The following RAB11FIP3 variants were observed in gnomAD, a reference collection of about 807,000 sequenced individuals.
RAB11FIP3 encodes the protein rab11 family-interacting protein 3.
In RAB11FIP3, 17 loss-of-function variants were observed where a neutral mutation model predicts 77.8. The ratio of observed to expected loss-of-function variants is 0.22; its 90% CI spans 0.15 to 0.33. The LOEUF is 0.33. Ranked by LOEUF, RAB11FIP3 falls within the 10% of genes least tolerant of loss-of-function variation. The pLI, the probability that RAB11FIP3 is intolerant of heterozygous loss-of-function variation, is 1.00. For synonymous variants in RAB11FIP3, 437 were observed against 448.2 expected, an observed-to-expected ratio of 0.98 and a Z score of 0.31; for missense variants, 1,005 against 1,011.2, an observed-to-expected ratio of 0.99 and a Z score of 0.08.
intron 3 of RAB11FIP3, among the ~76,000 whole-genome samples, chr16:481,607 C>T (rs2056045167): frequency 8.0e-6 from 1 of 124,486 alleles, no homozygotes; most frequent in Non-Finnish European, 1.7e-5. Flanking sequence ...TGGGCAAGCT[C>T]CTCCGTCAGT....
At chr16:446,332 C>G (rs2055316640) in intron 1 of RAB11FIP3, among the ~76,000 whole-genome samples, 1 of 152,190 alleles carries the variant, frequency 6.6e-6, no homozygotes, top group Admixed American at 6.5e-5. Flanking sequence ...TGAAGCAGAA[C>G]AGTGGTACCC....
intron 1 of RAB11FIP3, among the ~76,000 whole-genome samples, chr16:442,661 G>A (rs994410009): frequency 1.3e-5 from 2 of 152,118 alleles, no homozygotes; most frequent in African/African-American, 2.4e-5. Context: ...CTGCTGAGTC[G>A]TCCCAAAGCA....
intron 13 of RAB11FIP3, 58 bp downstream of exon 13, chr16:520,657 G>T: frequency 6.2e-7 from 1 of 1,610,810 alleles, no homozygotes; most frequent in East Asian, 2.2e-5. Flanking sequence ...CACTGTCTGT[G>T]CGCTGTGGTT....
Position 505,389 on chromosome 16 carries a change from C to G in RAB11FIP3, c.1396-135C>G. On this transcript the variant is annotated intron_variant, in intron 7 of 13. Coordinates refer to ENST00000262305, the MANE Select transcript of RAB11FIP3 (RefSeq NM_014700.4). The surrounding 1 kb of genome is among the most constrained non-coding windows in gnomAD (Gnocchi z 4.0). ...TGTGGGTTTATGGGACAAGTTGGAT[C>G]CAACACCAGCCTAGCTAGGTGGATC... 1 of 666,428 alleles carries G rather than the reference C, an allele frequency of 1.5e-6. No homozygotes were observed. The highest frequency in any genetic ancestry group is 2.8e-5 in the East Asian group (1 of 36,232). The allele number at this position is 666,428 out of a possible 1,614,324, so 41.3% of individuals were successfully genotyped here.
At chr16:435,188 G>C (rs1274278330) in intron 1 of RAB11FIP3, among the ~76,000 whole-genome samples, 1 of 148,574 alleles carries the variant, frequency 6.7e-6, no homozygotes, top group African/African-American at 2.5e-5. Flanking sequence ...CTGGGCGACA[G>C]AGCGAGACTC....
chr16:495,340 G>T (rs575827040), intron 5 of RAB11FIP3, among the ~76,000 whole-genome samples: 1 of 152,190 alleles, frequency 6.6e-6, no homozygotes, highest in African/African-American at 2.4e-5. Flanking sequence ...TGCAAACGGC[G>T]TGGTGGGGAC....
Position 482,704 on chromosome 16 carries a change from C to T in RAB11FIP3, c.1083C>T (p.Pro361=), listed in dbSNP as rs749962956. ...AGTGCCTGGACGCCATGGAGGAGCC[C>T]GACCATGGTGCCCTGCTGCTGCTCC... ...PSECLDAMEE[P]DHGALLLLPG... Residue 361 remains proline (P), a synonymous_variant, in exon 4 of 14, where the codon CCC becomes CCT. Coordinates refer to ENST00000262305, the MANE Select transcript of RAB11FIP3 (RefSeq NM_014700.4). 56 of 1,609,922 alleles carry T rather than the reference C, an allele frequency of 3.5e-5. No individual in the cohort carries two copies. Among genetic ancestry groups the T allele is most frequent in the Middle Eastern group, 1.7e-4 (1 of 6,046 alleles).
intron 1 of RAB11FIP3, among the ~76,000 whole-genome samples, chr16:433,737 A>T (rs7185991): frequency 0.4 from 60,871 of 150,962 alleles, 12,505 homozygotes; most frequent in South Asian, 0.54. Context: ...GCGCCTGTAG[A>T]CCCACCTACT....
intron 3 of RAB11FIP3, among the ~76,000 whole-genome samples, chr16:478,195 CTTT>C (rs570923279): frequency 4.3e-5 from 6 of 140,142 alleles, no homozygotes; most frequent in African/African-American, 7.8e-5. Flanking sequence ...CTGTCTACTT[CTTT>C]TTTTTTTTTT....
At chr16:449,309 C>T (rs1022317918) in intron 1 of RAB11FIP3, among the ~76,000 whole-genome samples, 3 of 152,132 alleles carry the variant, frequency 2.0e-5, no homozygotes, top group Non-Finnish European at 4.4e-5. Context: ...TTCAGGTGCT[C>T]AGCAGAATTC....
chr16:500,487 C>T (rs2031436847), intron 6 of RAB11FIP3, among the ~76,000 whole-genome samples: 1 of 151,910 alleles, frequency 6.6e-6, no homozygotes, highest in South Asian at 2.1e-4. Context: ...TTGAGACCAG[C>T]CTGGCCAACA....
At chr16:480,717 C>G (rs901344181) in intron 3 of RAB11FIP3, among the ~76,000 whole-genome samples, 18 of 152,162 alleles carry the variant, frequency 1.2e-4, no homozygotes, top group African/African-American at 4.3e-4. Context: ...CCAGACTGGT[C>G]TCGAACTCCT....
At chr16:466,565 C>T (rs575128983) in intron 2 of RAB11FIP3, among the ~76,000 whole-genome samples, 138 of 152,300 alleles carry the variant, frequency 9.1e-4, no homozygotes, top group Middle Eastern at 3.4e-3. Context: ...CGGAGGAGCC[C>T]GATGCTCTGT....
chr16:427,904 C>T (rs1385312708), intron 1 of RAB11FIP3, among the ~76,000 whole-genome samples: 1 of 151,620 alleles, frequency 6.6e-6, no homozygotes, highest in East Asian at 1.9e-4. Context: ...TTGAGACCAT[C>T]CTGGCTAATA....
chr16:442,287 A>G (rs1344523260), intron 1 of RAB11FIP3, among the ~76,000 whole-genome samples: 2 of 152,228 alleles, frequency 1.3e-5, no homozygotes, highest in African/African-American at 4.8e-5. Context: ...CTCCTGGCCC[A>G]TGCCACTGCA....
At chr16:518,884 A>G (rs565768291) in intron 9 of RAB11FIP3, 59 bp from the exon 10 acceptor site, 1 of 1,559,820 alleles carries the variant, frequency 6.4e-7, no homozygotes, top group South Asian at 1.1e-5. Context: ...CACAGGGCAC[A>G]CTGGCCCTGT....
chr16:467,519 C>T (rs1160031935), intron 2 of RAB11FIP3, among the ~76,000 whole-genome samples: 1 of 115,722 alleles, frequency 8.6e-6, no homozygotes, highest in East Asian at 2.5e-4. Context: ...GGAGGAGGTG[C>T]GGGGGCGTCA....
At chr16:470,798 C>CA (rs1482611450) in intron 2 of RAB11FIP3, among the ~76,000 whole-genome samples, 3 of 151,838 alleles carry the variant, frequency 2.0e-5, no homozygotes, top group South Asian at 2.1e-4. Flanking sequence ...AGAAGATAAG[C>CA]AAAAAAAGAA....
In RAB11FIP3 at chr16:432,587, GT is replaced by G. The variant is rs775298981; in HGVS notation, c.714+5883del. ...TGCTTTGAATCTGCTTTTTGACCTG[GT>G]TTTTTTTTTTTTTTTGTGTGTGTGT... On this transcript the variant is annotated intron_variant, in intron 1 of 13. Coordinates refer to ENST00000262305, the MANE Select transcript of RAB11FIP3 (RefSeq NM_014700.4). Among the ~76,000 whole-genome samples, 49 of 111,312 alleles carry G rather than the reference GT, an allele frequency of 4.4e-4. 1 individual carries two copies. The highest frequency in any genetic ancestry group is 1.0e-3 in the South Asian group (4 of 3,898). 73.0% of individuals were successfully genotyped at this position (111,312 alleles called of 152,430 possible). A position where few individuals can be genotyped will look rare whatever the true frequency, so the allele number is the denominator to read the frequency against.
Sources: allele counts gnomAD v4.1 joint callset (sites outside exome capture counted in the v4.1 genomes callset), GRCh38; gene constraint gnomAD v4.1.1; non-coding constraint Gnocchi (gnomAD v3.1); transcripts MANE v1.5; gene names NCBI Gene and HGNC (gene_info 2026-07-23, HGNC 2026-07-21).